Variants in ERC2 observed in about 807,000 individuals in gnomAD.
ERC2 encodes ELKS/RAB6-interacting/CAST family member 2.
Under a neutral mutation model 114.8 loss-of-function variants are expected in ERC2, and 42 were observed. That is an observed-to-expected ratio of 0.37 (90% CI 0.29 to 0.47). The LOEUF (loss-of-function observed/expected upper bound fraction) is 0.47, where lower values mean the gene tolerates loss of function less well. Ranked by LOEUF, ERC2 falls within the 20% of genes least tolerant of loss-of-function variation. The pLI is 0.99. For synonymous variants in ERC2, 454 were observed against 425.5 expected (o/e 1.07, Z -0.82); for missense variants, 939 against 1,150.7 (o/e 0.82, Z 2.66).
intron 10 of ERC2, among the ~76,000 whole-genome samples, chr3:56,003,950 G>A (rs762208095): frequency 6.6e-6 from 1 of 151,804 alleles, no homozygotes; most frequent in African/African-American, 2.4e-5. Context: ...ATTTATCTGG[G>A]GCTCAATGTC....
chr3:56,250,702 C>A (rs1365357040), intron 3 of ERC2, among the ~76,000 whole-genome samples: 1 of 152,172 alleles, frequency 6.6e-6, no homozygotes, highest in Non-Finnish European at 1.5e-5. Context: ...AAAAGGCATA[C>A]ATTTCTAATA....
rs949015895 is a variant in ERC2, at chr3:55,819,977, A to C, written c.2564+68412T>G. ...TCCCAATTAGCCTCTTGCAGGTGTA[A>C]TTAGCAATTTCACCTCACTTTGAGG... On this transcript the variant is annotated intron_variant, in intron 14 of 17. Transcript: ENST00000288221. Among the ~76,000 whole-genome samples the C allele has an allele frequency of 9.2e-5, 14 of 152,086 alleles. 1 individual carries two copies. Among genetic ancestry groups the C allele is most frequent in the African/African-American group, 2.4e-5 (1 of 41,410 alleles).
intron 13 of ERC2, among the ~76,000 whole-genome samples, chr3:55,903,259 T>TA (rs1269750095): frequency 6.6e-6 from 1 of 152,152 alleles, no homozygotes; most frequent in African/African-American, 2.4e-5. Flanking sequence ...CTTCTCTGAT[T>TA]AAAAAAAATT....
At chr3:56,399,523 A>G (rs993492545) in intron 2 of ERC2, among the ~76,000 whole-genome samples, 1 of 152,200 alleles carries the variant, frequency 6.6e-6, no homozygotes, top group African/African-American at 2.4e-5. Context: ...AAAAATTAAA[A>G]CTTCACTAAT....
chr3:56,323,940 A>G (rs2057242249), intron 2 of ERC2, among the ~76,000 whole-genome samples: 2 of 151,706 alleles, frequency 1.3e-5, no homozygotes, highest in Admixed American at 1.3e-4. Flanking sequence ...ATTAGAGTAG[A>G]AAAAAAAAGA....
intron 13 of ERC2, among the ~76,000 whole-genome samples, chr3:55,935,663 T>G (rs1181101244): frequency 6.6e-6 from 1 of 152,152 alleles, no homozygotes; most frequent in Non-Finnish European, 1.5e-5. Flanking sequence ...TTCTGAAAAT[T>G]TTTCCAGTCT....
intron 3 of ERC2, among the ~76,000 whole-genome samples, chr3:56,280,014 G>T (rs56004380): frequency 0.068 from 10,401 of 152,228 alleles, 490 homozygotes; most frequent in Admixed American, 0.14. Context: ...AAAATGAGAA[G>T]ATTATATTGT....
intron 12 of ERC2, among the ~76,000 whole-genome samples, chr3:55,973,320 T>C (rs929035498): frequency 5.3e-5 from 8 of 152,168 alleles, no homozygotes; most frequent in African/African-American, 1.4e-4. Context: ...GTTTTCTATC[T>C]TAGATAAACA....
intron 3 of ERC2, among the ~76,000 whole-genome samples, chr3:56,250,867 T>A (rs1294251979): frequency 6.6e-6 from 1 of 152,190 alleles, no homozygotes; most frequent in Non-Finnish European, 1.5e-5. Flanking sequence ...TTTAACCTTA[T>A]AACAGTGAGA....
chr3:55,564,895 G>A (rs73077490), intron 17 of ERC2, among the ~76,000 whole-genome samples: 18,092 of 152,248 alleles, frequency 0.12, 1,172 homozygotes, highest in South Asian at 0.2. Flanking sequence ...AGGATTTCTG[G>A]CTTTGCTGGC....
chr3:56,465,540 G>A (rs535489380), intron 1 of ERC2, among the ~76,000 whole-genome samples: 13 of 152,180 alleles, frequency 8.5e-5, no homozygotes, highest in Admixed American at 8.5e-4. Context: ...TTGGTGGGGA[G>A]ACAACTGAAG....
intron 17 of ERC2, among the ~76,000 whole-genome samples, chr3:55,672,709 G>T (rs1347325183): frequency 6.6e-6 from 1 of 152,198 alleles, no homozygotes; most frequent in Non-Finnish European, 1.5e-5. Flanking sequence ...GAACTAGGCA[G>T]AAAGCCACTG....
chr3:55,657,329 G>T (rs1434183226), intron 17 of ERC2: 1 of 152,092 alleles, frequency 6.6e-6, no homozygotes, highest in Non-Finnish European at 1.5e-5. Context: ...TGCTTTCTTG[G>T]GTGTACAGTC....
Position 56,296,259 on chromosome 3 carries a change from G to A in ERC2, c.834C>T (p.Phe278=). The A allele has an allele frequency of 6.2e-7, 1 of 1,613,980 alleles. No homozygotes were observed. The part of the protein sequence containing the change: ...AEHDRQAKEL[F]LLRKTLEEME... ...TTTCCTCTAATGTCTTCCTCAAAAG[G>A]AACAGCTCCTTAGCCTGCCTGTCAT... The change falls in exon 3 of 18, where the codon TTC becomes TTT. Residue 278 remains phenylalanine, a synonymous_variant. Coordinates refer to ENST00000288221, the MANE Select transcript of ERC2 (RefSeq NM_015576.3).
chr3:55,526,209 G>C (rs1238503473), intron 17 of ERC2, among the ~76,000 whole-genome samples: 1 of 152,138 alleles, frequency 6.6e-6, no homozygotes, highest in Non-Finnish European at 1.5e-5. Flanking sequence ...TAGAGGCTTC[G>C]AAGAGGGAAT....
intron 3 of ERC2, among the ~76,000 whole-genome samples, chr3:56,175,036 C>A (rs1362996296): frequency 5.3e-5 from 8 of 151,604 alleles, no homozygotes; most frequent in Non-Finnish European, 1.2e-4. Context: ...ACTCAAGACA[C>A]ACAATAAAAG....
intron 3 of ERC2, among the ~76,000 whole-genome samples, chr3:56,274,421 A>G (rs893094825): frequency 2.0e-5 from 3 of 151,980 alleles, no homozygotes; most frequent in African/African-American, 7.3e-5. Context: ...ATCCACACAC[A>G]CTCAAGTCCT....
chr3:56,300,563 T>A (rs1289000691), intron 2 of ERC2, among the ~76,000 whole-genome samples: 3 of 152,060 alleles, frequency 2.0e-5, no homozygotes, highest in African/African-American at 7.3e-5. Context: ...AGCAAAGAGG[T>A]AAGGACAGAC....
chr3:55,966,928 A>G (rs774270273), intron 12 of ERC2, among the ~76,000 whole-genome samples: 7 of 152,168 alleles, frequency 4.6e-5, no homozygotes, highest in Non-Finnish European at 8.8e-5. Context: ...ACATGCATAC[A>G]TATATATTTA....
Sources: allele counts gnomAD v4.1 joint callset (sites outside exome capture counted in the v4.1 genomes callset), GRCh38; gene constraint gnomAD v4.1.1; transcripts MANE v1.5; gene names NCBI Gene and HGNC (gene_info 2026-07-23, HGNC 2026-07-21).